The following DISC1 variants were observed in gnomAD, a reference collection of about 807,000 sequenced individuals.
DISC1 encodes the protein DISC1 scaffold protein.
Under a neutral mutation model 84.5 loss-of-function variants are expected in DISC1, and 57 were observed. That is an observed-to-expected ratio of 0.67 (90% confidence interval 0.55 to 0.84). The LOEUF (loss-of-function observed/expected upper bound fraction) is 0.84, where lower values mean the gene tolerates loss of function less well. Ranked by LOEUF, DISC1 falls within the 40% of genes least tolerant of loss-of-function variation. DISC1 has a pLI of 0.00. For synonymous variants in DISC1, 411 were observed against 415.2 expected (o/e 0.99, Z 0.12); for missense variants, 1,000 against 1,057.8 (o/e 0.95, Z 0.76).
Position 231,798,113 on chromosome 1 carries a change from C to CCACACACA in DISC1, c.1690-1980_1690-1973dup, listed in dbSNP as rs113265676. Among the ~76,000 whole-genome samples, 1,184 of 147,166 alleles carry CCACACACA rather than the reference C, an allele frequency of 8.0e-3. 15 individuals are homozygous for CCACACACA. Among genetic ancestry groups the CCACACACA allele is most frequent in the African/African-American group, 0.025 (1,014 of 39,908 alleles). On this transcript the variant is annotated intron_variant, in intron 7 of 12. Coordinates refer to ENST00000439617, the MANE Select transcript of DISC1 (RefSeq NM_018662.3). ...TTCTTTCTCTAGTGTGTTAGACACACCACACACACACACACACACACATAC... is the reference window on the plus strand; with the variant it reads ...TTCTTTCTCTAGTGTGTTAGACACACCACACACACACACACACACACACACACACATAC...
chr1:231,859,037 C>T lies in DISC1; in HGVS notation c.1981+40520C>T, dbSNP rs529028170. 2.3e-4 allele frequency among the ~76,000 whole-genome samples: 35 copies of T among 152,332 alleles called. No homozygotes were observed. The South Asian group carries it at 6.8e-3, about 30-fold the overall frequency. Reference sequence around the variant, plus strand: ...CTCTGGGGAATGGTGTCTGAGCTCACGGTCTCATCTGTGGGAGCTGCATCT... The same window carrying T: ...CTCTGGGGAATGGTGTCTGAGCTCATGGTCTCATCTGTGGGAGCTGCATCT... On this transcript the variant is annotated intron_variant, in intron 9 of 12. Transcript: ENST00000439617.
chr1:231,983,545 GGGGGT>G (rs1182049017), intron 10 of DISC1, among the ~76,000 whole-genome samples: 2 of 1,100 alleles, frequency 1.8e-3, no homozygotes, highest in Non-Finnish European at 3.6e-3. Context: ...GGGTGGGGGT[GGGGGT>G]GGGGGGAGGT....
At chr1:231,895,352 G>A (rs967432068) in intron 9 of DISC1, among the ~76,000 whole-genome samples, 1 of 150,982 alleles carries the variant, frequency 6.6e-6, no homozygotes, top group Non-Finnish European at 1.5e-5. Flanking sequence ...TATGTATACT[G>A]TCACTCACAC....
chr1:231,940,666 AG>A (rs1237181759), intron 9 of DISC1, among the ~76,000 whole-genome samples: 1 of 152,166 alleles, frequency 6.6e-6, no homozygotes, highest in East Asian at 1.9e-4. Flanking sequence ...AGAGGAAGGA[AG>A]GGGGTGGGGG....
At position 231,880,157 on chromosome 1, in the gene DISC1, T is replaced by C. The variant is rs1375397568; in HGVS notation, c.1981+61640T>C. On this transcript the variant is annotated intron_variant, in intron 9 of 12. Coordinates refer to ENST00000439617, the MANE Select transcript of DISC1 (RefSeq NM_018662.3). ...CCTGTAAGCGGGACTGGTGGTTTTA[T>C]AATAGGAAGAGAGACCTGTATGTAG... Among the ~76,000 whole-genome samples, 3 of 152,134 alleles carry C rather than the reference T, an allele frequency of 2.0e-5. No homozygotes were observed. The East Asian group carries it at 5.8e-4, about 29-fold the overall frequency.
intron 9 of DISC1, among the ~76,000 whole-genome samples, chr1:231,846,080 A>G (rs1451187369): frequency 6.6e-6 from 1 of 152,114 alleles, no homozygotes; most frequent in African/African-American, 2.4e-5. Context: ...GCAACAGATT[A>G]TACCTGAAGG....
intron 9 of DISC1, among the ~76,000 whole-genome samples, chr1:231,923,233 G>A (rs1208371536): frequency 1.3e-5 from 2 of 150,060 alleles, no homozygotes; most frequent in African/African-American, 4.9e-5. Context: ...GTTGCAGTGA[G>A]TCAAGATCAC....
chr1:231,813,978 CA>C (rs1188504393), intron 8 of DISC1, among the ~76,000 whole-genome samples: 2 of 152,078 alleles, frequency 1.3e-5, no homozygotes, highest in Non-Finnish European at 2.9e-5. Context: ...GTGTTTTAAG[CA>C]GTGAGAGACA....
chr1:231,840,001 G>A (rs751933865), intron 9 of DISC1, among the ~76,000 whole-genome samples: 5 of 152,166 alleles, frequency 3.3e-5, no homozygotes, highest in Non-Finnish European at 5.9e-5. Flanking sequence ...TTCAACATGA[G>A]ATTTGGAGGG....
intron 9 of DISC1, among the ~76,000 whole-genome samples, chr1:231,948,218 A>G (rs1264092950): frequency 6.6e-6 from 1 of 152,224 alleles, no homozygotes; most frequent in Non-Finnish European, 1.5e-5. Context: ...ATGTCCATTA[A>G]TAATAGACTG....
At chr1:231,691,274 T>C (rs1447363825) in intron 1 of DISC1, among the ~76,000 whole-genome samples, 1 of 151,836 alleles carries the variant, frequency 6.6e-6, no homozygotes, top group African/African-American at 2.4e-5. Flanking sequence ...CTACTAAAAA[T>C]ACAAAAATTA....
intron 10 of DISC1, among the ~76,000 whole-genome samples, chr1:231,974,954 G>A (rs1204882885): frequency 6.6e-6 from 1 of 152,098 alleles, no homozygotes; most frequent in Non-Finnish European, 1.5e-5. Context: ...CAAAAAATTA[G>A]CTGGGCGTGG....
At chr1:231,838,199 T>C (rs965900841) in intron 9 of DISC1, among the ~76,000 whole-genome samples, 5 of 152,212 alleles carry the variant, frequency 3.3e-5, no homozygotes, top group East Asian at 1.9e-4. Flanking sequence ...AAAAAATTAA[T>C]CTATGAATTT....
chr1:231,736,762 C>A (rs199688127), intron 3 of DISC1, among the ~76,000 whole-genome samples: 43 of 152,262 alleles, frequency 2.8e-4, no homozygotes, highest in Non-Finnish European at 5.0e-4. Flanking sequence ...TATGTAAAAA[C>A]CAAAGAAAAA....
chr1:231,975,147 A>C (rs1485035813), intron 10 of DISC1, among the ~76,000 whole-genome samples: 1 of 152,148 alleles, frequency 6.6e-6, no homozygotes, highest in Non-Finnish European at 1.5e-5. Flanking sequence ...CAAAAAACAA[A>C]GAAATGTTTT....
intron 9 of DISC1, among the ~76,000 whole-genome samples, chr1:231,892,072 A>G (rs1350615320): frequency 6.6e-6 from 1 of 152,010 alleles, no homozygotes; most frequent in Non-Finnish European, 1.5e-5. Flanking sequence ...CCCCCCCACC[A>G]CCTTAGAACA....
At chr1:231,892,704 G>A (rs571765006) in intron 9 of DISC1, among the ~76,000 whole-genome samples, 57 of 152,042 alleles carry the variant, frequency 3.7e-4, no homozygotes, top group Middle Eastern at 3.4e-3. Flanking sequence ...CTGATATGGA[G>A]TACACTTTCT....
intron 3 of DISC1, among the ~76,000 whole-genome samples, chr1:231,734,662 A>G (rs990354380): frequency 6.6e-6 from 1 of 152,234 alleles, no homozygotes; most frequent in Non-Finnish European, 1.5e-5. Flanking sequence ...CACTTGCTTC[A>G]GAACCACATA....
chr1:231,907,897 G>C (rs2088862011), intron 9 of DISC1, among the ~76,000 whole-genome samples: 1 of 152,152 alleles, frequency 6.6e-6, no homozygotes, highest in Admixed American at 6.5e-5. Context: ...TCTCATTGCG[G>C]TTTTGATTTG....
Sources: gnomAD v4.1 joint callset for allele counts (sites outside exome capture counted in the v4.1 genomes callset) on GRCh38, gnomAD v4.1.1 for gene constraint, MANE v1.5 for transcripts, NCBI Gene and HGNC (gene_info 2026-07-23, HGNC 2026-07-21) for gene names.